The following LSAMP variants were observed in gnomAD, a reference collection of about 807,000 sequenced individuals.
LSAMP encodes limbic system-associated membrane protein.
Under a neutral mutation model 38.6 loss-of-function variants are expected in LSAMP, and 7 were observed. The ratio of observed to expected loss-of-function variants is 0.18; its 90% CI spans 0.10 to 0.34. The LOEUF is 0.34. Ranked by LOEUF, LSAMP falls within the 10% of genes least tolerant of loss-of-function variation. The pLI, the probability that LSAMP is intolerant of heterozygous loss-of-function variation, is 1.00. For missense variants in LSAMP, 313 were observed against 420.0 expected (o/e 0.75, Z 2.23); for synonymous variants, 154 against 166.8 (o/e 0.92, Z 0.59).
intron 2 of LSAMP, among the ~76,000 whole-genome samples, chr3:116,083,039 G>T (rs998386033): frequency 6.6e-6 from 1 of 152,110 alleles, no homozygotes; most frequent in African/African-American, 2.4e-5. Flanking sequence ...TAAAAAAGAA[G>T]CTCTCTAGAA....
intron 1 of LSAMP, among the ~76,000 whole-genome samples, chr3:116,391,895 G>A (rs985375649): frequency 2.6e-5 from 4 of 152,064 alleles, no homozygotes; most frequent in African/African-American, 9.7e-5. Context: ...AGGCTGCCCA[G>A]GGCCACATCC....
chr3:116,055,588 C>T (rs1488938571), intron 2 of LSAMP, among the ~76,000 whole-genome samples: 2 of 152,100 alleles, frequency 1.3e-5, no homozygotes, highest in African/African-American at 4.8e-5. Flanking sequence ...TTGACAATGC[C>T]CTCTACTCAC....
At chr3:116,084,915 T>C (rs1384261105) in intron 2 of LSAMP, among the ~76,000 whole-genome samples, 1 of 146,600 alleles carries the variant, frequency 6.8e-6, no homozygotes, top group Non-Finnish European at 1.5e-5. Flanking sequence ...TCTCTCCTCC[T>C]TCTGCCATTG....
chr3:116,147,915 G>A (rs1484619841), intron 1 of LSAMP, among the ~76,000 whole-genome samples: 1 of 151,680 alleles, frequency 6.6e-6, no homozygotes, highest in Non-Finnish European at 1.5e-5. Context: ...CTTTTCGTCT[G>A]GGTCTAACTC....
chr3:116,215,146 C>T (rs920680868), intron 1 of LSAMP, among the ~76,000 whole-genome samples: 2 of 152,070 alleles, frequency 1.3e-5, no homozygotes, highest in African/African-American at 2.4e-5. Flanking sequence ...ATGAAATGTG[C>T]CATCATAATA....
intron 1 of LSAMP, among the ~76,000 whole-genome samples, chr3:116,193,672 C>T (rs185054148): frequency 2.8e-4 from 42 of 152,238 alleles, no homozygotes; most frequent in Admixed American, 2.1e-3. Flanking sequence ...AGCTCAAATT[C>T]ATATTAAAAA....
chr3:115,948,736 C>T (rs954454577), intron 3 of LSAMP, among the ~76,000 whole-genome samples: 1 of 152,098 alleles, frequency 6.6e-6, no homozygotes, highest in Non-Finnish European at 1.5e-5. Flanking sequence ...GAAACAAGAG[C>T]AAACCAAAAT....
In LSAMP at chr3:115,955,183, T is replaced by C. The variant is rs192089260; in HGVS notation, c.514+64332A>G. Among the ~76,000 whole-genome samples the C allele has an allele frequency of 3.1e-3, 474 of 152,156 alleles. 3 individuals are homozygous for C. Among genetic ancestry groups the C allele is most frequent in the African/African-American group, 0.011 (439 of 41,538 alleles). ...TCTCCTGACCTCGTGATCCGCCGGC[T>C]TCGGCCTCCCAAAGTGCTGGGATTA... On this transcript the variant is annotated intron_variant, in intron 3 of 6. Transcript: ENST00000490035.
chr3:116,161,126 T>C (rs1414070918), intron 1 of LSAMP, among the ~76,000 whole-genome samples: 1 of 152,194 alleles, frequency 6.6e-6, no homozygotes, highest in African/African-American at 2.4e-5. Flanking sequence ...GGCTAGTGGC[T>C]GCCACATTAT....
chr3:116,099,308 G>A (rs1452547107), intron 1 of LSAMP, among the ~76,000 whole-genome samples: 1 of 152,268 alleles, frequency 6.6e-6, no homozygotes, highest in Non-Finnish European at 1.5e-5. Flanking sequence ...TTAAAGAAGA[G>A]GCATTTTCCC....
intron 1 of LSAMP, among the ~76,000 whole-genome samples, chr3:116,192,453 T>G (rs1206552823): frequency 3.9e-5 from 6 of 152,364 alleles, no homozygotes; most frequent in Non-Finnish European, 8.8e-5. Context: ...TCAATTTCTC[T>G]GTCTTCTTTA....
intron 1 of LSAMP, among the ~76,000 whole-genome samples, chr3:116,194,832 G>C (rs1307250442): frequency 6.6e-6 from 1 of 152,178 alleles, no homozygotes; most frequent in African/African-American, 2.4e-5. Context: ...ACAATCATAG[G>C]TCTTGACATT....
At chr3:115,855,673 T>C (rs938372754) in intron 3 of LSAMP, among the ~76,000 whole-genome samples, 1 of 152,214 alleles carries the variant, frequency 6.6e-6, no homozygotes, top group African/African-American at 2.4e-5. Flanking sequence ...ACAATTCTCC[T>C]GCTCCTTTCT....
intron 3 of LSAMP, among the ~76,000 whole-genome samples, chr3:115,883,105 T>C (rs11716712): frequency 6.6e-6 from 1 of 152,008 alleles, no homozygotes; most frequent in Non-Finnish European, 1.5e-5. Flanking sequence ...TCCACTAAAT[T>C]CCAAAGCATT....
chr3:116,352,472 G>C (rs9829157), intron 1 of LSAMP, among the ~76,000 whole-genome samples: 3,928 of 152,100 alleles, frequency 0.026, 165 homozygotes, highest in African/African-American at 0.089. Context: ...CTGAGGAAAG[G>C]CAAGCCAACC....
intron 6 of LSAMP, among the ~76,000 whole-genome samples, chr3:115,833,498 C>T (rs1036400204): frequency 2.7e-5 from 4 of 150,920 alleles, no homozygotes; most frequent in South Asian, 2.1e-4. Flanking sequence ...ATCCTTAGTT[C>T]GAAAATAATT....
chr3:116,230,567 G>A (rs555219971), intron 1 of LSAMP, among the ~76,000 whole-genome samples: 5 of 152,242 alleles, frequency 3.3e-5, no homozygotes, highest in African/African-American at 9.6e-5. Flanking sequence ...GCTGTCTCTA[G>A]TCCATAGGCT....
chr3:116,178,577 T>C (rs1012655235), intron 1 of LSAMP, among the ~76,000 whole-genome samples: 1 of 152,024 alleles, frequency 6.6e-6, no homozygotes, highest in African/African-American at 2.4e-5. Context: ...CAGTATGAAA[T>C]AGAGGAAATA....
intron 1 of LSAMP, among the ~76,000 whole-genome samples, chr3:116,283,681 G>A (rs2047157972): frequency 6.6e-6 from 1 of 152,132 alleles, no homozygotes; most frequent in African/African-American, 2.4e-5. Context: ...GGCTTATAAT[G>A]AACCCTATGA....
Sources: gnomAD v4.1 joint callset for allele counts (sites outside exome capture counted in the v4.1 genomes callset) on GRCh38, gnomAD v4.1.1 for gene constraint, MANE v1.5 for transcripts, NCBI Gene and HGNC (gene_info 2026-07-23, HGNC 2026-07-21) for gene names.